SPOCK3: variants seen among roughly 807,000 people sequenced by gnomAD.
The protein encoded by SPOCK3 is SPARC (osteonectin), cwcv and kazal like domains proteoglycan 3, also known as testican-3.
SPOCK3 carries 30 observed loss-of-function variants against 56.6 expected under a neutral mutation model. The ratio of observed to expected loss-of-function variants is 0.53; its 90% confidence interval spans 0.40 to 0.72. The LOEUF (loss-of-function observed/expected upper bound fraction) is 0.72. SPOCK3 is among the 30% of genes least tolerant of loss of function. The pLI is 0.00. For synonymous variants in SPOCK3, 196 were observed against 183.3 expected (o/e 1.07, Z -0.56); for missense variants, 527 against 530.0 (o/e 0.99, Z 0.06).
At chr4:166,946,424 G>A (rs575089427) in intron 4 of SPOCK3, among the ~76,000 whole-genome samples, 34 of 152,264 alleles carry the variant, frequency 2.2e-4, no homozygotes, top group African/African-American at 5.8e-4. Flanking sequence ...CTGCTCCTGC[G>A]CGTTGGCCTT....
chr4:167,102,707 A>T (rs1264206867), intron 2 of SPOCK3: 3 of 152,128 alleles, frequency 2.0e-5, no homozygotes, highest in Non-Finnish European at 4.4e-5. Context: ...AACCACTCCT[A>T]GCTAGAGGAG....
chr4:167,053,585 T>C (rs1754445014), intron 3 of SPOCK3, among the ~76,000 whole-genome samples: 1 of 151,962 alleles, frequency 6.6e-6, no homozygotes, highest in Non-Finnish European at 1.5e-5. Context: ...CTCAGGAGGC[T>C]GAGGCAGGAG....
chr4:166,931,546 T>C (rs771156901), intron 4 of SPOCK3, among the ~76,000 whole-genome samples: 3 of 152,214 alleles, frequency 2.0e-5, no homozygotes, highest in Non-Finnish European at 4.4e-5. Flanking sequence ...CATATCTTAA[T>C]TTACTCTATG....
intron 6 of SPOCK3, among the ~76,000 whole-genome samples, chr4:166,850,053 A>G (rs1178312574): frequency 2.0e-5 from 3 of 152,244 alleles, no homozygotes; most frequent in Non-Finnish European, 4.4e-5. Context: ...ACAGATCTAC[A>G]CATTTTTCTT....
chr4:166,874,299 G>A lies in SPOCK3; in HGVS notation c.589+14831C>T, dbSNP rs142710581. 5.9e-4 allele frequency among the ~76,000 whole-genome samples: 90 copies of A among 152,200 alleles called. 1 individual carries two copies. Among genetic ancestry groups the A allele is most frequent in the African/African-American group, 2.1e-3 (88 of 41,538 alleles). On this transcript the variant is annotated intron_variant, in intron 6 of 10. Coordinates refer to ENST00000357545, the MANE Select transcript of SPOCK3 (RefSeq NM_001040159.2). ...GAATGAACGCAAGCAAGAAGTTCTT[G>A]TGAACAACAATCAGAGTCCTATATC...
chr4:167,074,281 C>A (rs921606642), intron 2 of SPOCK3, among the ~76,000 whole-genome samples: 2 of 151,890 alleles, frequency 1.3e-5, no homozygotes, highest in Admixed American at 6.6e-5. Context: ...AGACATTTAT[C>A]TTACACTTTC....
At chr4:167,016,887 GATTTCTAAC>G (rs1187258574) in intron 3 of SPOCK3, among the ~76,000 whole-genome samples, 1 of 152,038 alleles carries the variant, frequency 6.6e-6, no homozygotes, top group African/African-American at 2.4e-5. Context: ...GTGTTTCCCA[GATTTCTAAC>G]TACACCATTG....
intron 2 of SPOCK3, among the ~76,000 whole-genome samples, chr4:167,095,708 G>T (rs904162305): frequency 1.3e-5 from 2 of 151,676 alleles, no homozygotes; most frequent in African/African-American, 4.8e-5. Context: ...TAGTCAAAAT[G>T]ATTCAGTTCT....
chr4:166,977,421 T>G (rs1054811950), intron 4 of SPOCK3, among the ~76,000 whole-genome samples: 1 of 91,936 alleles, frequency 1.1e-5, no homozygotes, highest in Non-Finnish European at 2.7e-5. Context: ...ATTATGATAA[T>G]TATTAAGTAG....
intron 2 of SPOCK3, among the ~76,000 whole-genome samples, chr4:167,218,822 G>C (rs1434101225): frequency 6.6e-6 from 1 of 152,078 alleles, no homozygotes; most frequent in Non-Finnish European, 1.5e-5. Context: ...AGCAAAGAAA[G>C]TTAGCATATT....
chr4:167,205,152 TTA>T (rs560791073), intron 2 of SPOCK3, among the ~76,000 whole-genome samples: 3 of 111,130 alleles, frequency 2.7e-5, no homozygotes, highest in African/African-American at 3.5e-5. Context: ...TATATATATT[TTA>T]TATATATATA....
At chr4:167,212,073 A>G (rs1339009354) in intron 2 of SPOCK3, among the ~76,000 whole-genome samples, 2 of 152,156 alleles carry the variant, frequency 1.3e-5, no homozygotes, top group African/African-American at 4.8e-5. Context: ...AATAATGACA[A>G]TAATACCTAC....
intron 2 of SPOCK3, among the ~76,000 whole-genome samples, chr4:167,073,932 C>CT (rs1756935150): frequency 6.6e-6 from 1 of 151,708 alleles, no homozygotes; most frequent in Non-Finnish European, 1.5e-5. Context: ...TCAAAACACC[C>CT]TTTGCACTAC....
intron 6 of SPOCK3, among the ~76,000 whole-genome samples, chr4:166,863,652 A>C (rs907455141): frequency 1.3e-5 from 2 of 152,164 alleles, no homozygotes; most frequent in Non-Finnish European, 2.9e-5. Context: ...GTCTCTGATA[A>C]AACAGACTTT....
At chr4:166,780,501 C>T (rs1740044845) in intron 7 of SPOCK3, among the ~76,000 whole-genome samples, 1 of 152,116 alleles carries the variant, frequency 6.6e-6, no homozygotes, top group African/African-American at 2.4e-5. Flanking sequence ...CATCCACATC[C>T]ATCTTCCCTA....
intron 2 of SPOCK3, among the ~76,000 whole-genome samples, chr4:167,122,623 T>TA (rs1255843502): frequency 6.6e-6 from 1 of 152,148 alleles, no homozygotes; most frequent in Non-Finnish European, 1.5e-5. Flanking sequence ...CTGATGAATA[T>TA]AATACAACAC....
intron 6 of SPOCK3, among the ~76,000 whole-genome samples, chr4:166,876,671 AC>A (rs1432987499): frequency 1.3e-5 from 2 of 152,182 alleles, no homozygotes; most frequent in African/African-American, 2.4e-5. Context: ...AAAATTATTT[AC>A]AAACGATATT....
chr4:166,971,047 A>G (rs1157257883), intron 4 of SPOCK3, among the ~76,000 whole-genome samples: 1 of 152,180 alleles, frequency 6.6e-6, no homozygotes, highest in African/African-American at 2.4e-5. Context: ...AAATTAGGAA[A>G]GACAAGTTGA....
chr4:167,039,835 C>T (rs903157621), intron 3 of SPOCK3, among the ~76,000 whole-genome samples: 1 of 152,146 alleles, frequency 6.6e-6, no homozygotes, highest in African/African-American at 2.4e-5. Context: ...ATATACCACA[C>T]AAAGTTGTAT....
Sources: allele counts gnomAD v4.1 joint callset (sites outside exome capture counted in the v4.1 genomes callset), GRCh38; gene constraint gnomAD v4.1.1; transcripts MANE v1.5; gene names NCBI Gene and HGNC (gene_info 2026-07-23, HGNC 2026-07-21).